LRP8: variants seen among roughly 807,000 people sequenced by gnomAD.
LRP8 encodes LDL receptor related protein 8, also known as low-density lipoprotein receptor-related protein 8.
Under a neutral mutation model 111.6 loss-of-function variants are expected in LRP8, and 46 were observed. The ratio of observed to expected loss-of-function variants is 0.41; its 90% CI spans 0.33 to 0.53. The LOEUF (loss-of-function observed/expected upper bound fraction) is 0.53, where lower values mean the gene tolerates loss of function less well. Ranked by LOEUF, LRP8 falls within the 20% of genes least tolerant of loss-of-function variation. The pLI is 0.20. For missense variants in LRP8, 959 were observed against 1,297.4 expected (o/e 0.74, Z 4.01); for synonymous variants, 464 against 511.2 (o/e 0.91, Z 1.24).
chr1:53,309,213 T>C (rs1409913771), intron 2 of LRP8, among the ~76,000 whole-genome samples: 3 of 152,054 alleles, frequency 2.0e-5, no homozygotes, highest in Non-Finnish European at 4.4e-5. Context: ...AGGCGGAGGT[T>C]GCAGTGAGCC....
At chr1:53,256,556 G>C (rs1186788033) in intron 15 of LRP8, among the ~76,000 whole-genome samples, 1 of 152,230 alleles carries the variant, frequency 6.6e-6, no homozygotes, top group Non-Finnish European at 1.5e-5. Flanking sequence ...CAAGCAGCTT[G>C]GTTTCTGGGC....
intron 3 of LRP8, among the ~76,000 whole-genome samples, chr1:53,287,016 G>A (rs1647664408): frequency 6.6e-6 from 1 of 152,238 alleles, no homozygotes; most frequent in African/African-American, 2.4e-5. Context: ...GGTCTAACAG[G>A]TTAAAAGACC....
At chr1:53,286,257 G>C (rs968115492) in intron 3 of LRP8, among the ~76,000 whole-genome samples, 2 of 152,184 alleles carry the variant, frequency 1.3e-5, no homozygotes, top group Admixed American at 1.3e-4. Context: ...GTTACACCAA[G>C]TTCCTTCAGT....
In LRP8 at chr1:53,313,300, C is replaced by A. The variant is rs550202287; in HGVS notation, c.244+13573G>T. 1.1e-4 allele frequency among the ~76,000 whole-genome samples: 16 copies of A among 152,200 alleles called. No individual in the cohort carries two copies. The East Asian group carries it at 3.1e-3, about 29-fold the overall frequency. ...GGAGCTGGGACCCAAAGGCTCCAGTCCACAGCAGGCGCTTCCCAGGGACTC... is the reference window on the plus strand; with the variant it reads ...GGAGCTGGGACCCAAAGGCTCCAGTACACAGCAGGCGCTTCCCAGGGACTC... On this transcript the variant is annotated intron_variant, in intron 2 of 18. Transcript: ENST00000306052.
chr1:53,253,416 T>C (rs1292310953), intron 16 of LRP8, among the ~76,000 whole-genome samples: 1 of 152,044 alleles, frequency 6.6e-6, no homozygotes, highest in Non-Finnish European at 1.5e-5. Context: ...AGATAGCCAA[T>C]AGAAAAATAA....
At chr1:53,248,657 T>C (rs1433242301) in intron 18 of LRP8, among the ~76,000 whole-genome samples, 1 of 152,212 alleles carries the variant, frequency 6.6e-6, no homozygotes, top group Non-Finnish European at 1.5e-5. Context: ...AGAAAATATA[T>C]GTAAAACACT....
intron 12 of LRP8, among the ~76,000 whole-genome samples, chr1:53,261,761 T>C (rs1375311562): frequency 6.6e-6 from 1 of 152,192 alleles, no homozygotes; most frequent in Non-Finnish European, 1.5e-5. Flanking sequence ...CTGGGTGCCT[T>C]TTGTATATGG....
At chr1:53,320,061 C>T (rs1367579023) in intron 2 of LRP8, among the ~76,000 whole-genome samples, 1 of 152,254 alleles carries the variant, frequency 6.6e-6, no homozygotes, top group Non-Finnish European at 1.5e-5. Context: ...CTCTCCTCTG[C>T]GAAATGCAGT....
intron 18 of LRP8, among the ~76,000 whole-genome samples, chr1:53,248,797 T>C (rs1426352447): frequency 2.0e-5 from 3 of 152,236 alleles, no homozygotes; most frequent in Non-Finnish European, 4.4e-5. Context: ...CATTTCTTTC[T>C]CTGGAAATAA....
chr1:53,281,082 C>G (rs1209937145), intron 3 of LRP8, among the ~76,000 whole-genome samples: 1 of 152,216 alleles, frequency 6.6e-6, no homozygotes, highest in African/African-American at 2.4e-5. Flanking sequence ...CTGCCATTTC[C>G]CAGCTGTGTG....
Position 53,246,327 on chromosome 1 carries a change from ATTTATC to A in LRP8, c.*685_*690del, listed in dbSNP as rs572823584. Reference sequence around the variant, plus strand: ...CCCCTTGTGGACTGTGTGAAAATAAATTTATCTTTATGTATTTGAACAGTAGCCATA... The same window carrying A: ...CCCCTTGTGGACTGTGTGAAAATAAATTTATGTATTTGAACAGTAGCCATA... On this transcript the variant is annotated 3_prime_UTR_variant, in exon 19 of 19. Coordinates refer to ENST00000306052, the MANE Select transcript of LRP8 (RefSeq NM_004631.5). 2 of 152,314 alleles carry A rather than the reference ATTTATC, an allele frequency of 1.3e-5. No homozygotes were observed. Among genetic ancestry groups the A allele is most frequent in the African/African-American group, 2.4e-5 (1 of 41,566 alleles). The allele number at this position is 152,314 out of a possible 1,614,324, so 9.4% of individuals were successfully genotyped here.
rs1376324767 is a variant in LRP8 at position 53,280,694 on chromosome 1, T to C, written c.389A>G (p.Glu130Gly). 17 of 1,612,228 alleles carry C rather than the reference T, an allele frequency of 1.1e-5. No individual in the cohort carries two copies. Among genetic ancestry groups the C allele is most frequent in the Non-Finnish European group, 1.4e-5 (17 of 1,180,010 alleles). Residue 130 changes from glutamate (E) to glycine (G), a missense_variant, in exon 4 of 19, where the codon GAG becomes GGG. Transcript: ENST00000306052. ...GCTGGTGGGTCCACAGCTCAGCTTC[T>C]CTGCAGGACACACCTGCTTGGCTGT... ...ATCTKQVCPA[E>G]KLSCGPTSHK...
chr1:53,294,947 C>T lies in LRP8; in HGVS notation c.245-5258G>A, dbSNP rs897105777. Among the ~76,000 whole-genome samples, 8 of 152,234 alleles carry T rather than the reference C, an allele frequency of 5.3e-5. No individual in the cohort carries two copies. Among genetic ancestry groups the T allele is most frequent in the African/African-American group, 1.9e-4 (8 of 41,464 alleles). On this transcript the variant is annotated intron_variant, in intron 2 of 18. Coordinates refer to ENST00000306052, the MANE Select transcript of LRP8 (RefSeq NM_004631.5). This position sits in a 1 kb window ranked among gnomAD's most constrained non-coding sequence, Gnocchi z 4.1. Reference sequence around the variant, plus strand: ...TGCCCAGGGGCACTGCTCTGTGCAGCTTCCTCTTGGCAATCCGAATGTCCT... The same window carrying T: ...TGCCCAGGGGCACTGCTCTGTGCAGTTTCCTCTTGGCAATCCGAATGTCCT...
Position 53,244,831 on chromosome 1 carries a change from C to A in LRP8, c.*2187G>T, listed in dbSNP as rs1351751925. 1 of 152,200 alleles carries A rather than the reference C, an allele frequency of 6.6e-6. No individual in the cohort carries two copies. Among genetic ancestry groups the A allele is most frequent in the Non-Finnish European group, 1.5e-5 (1 of 68,028 alleles). The allele number at this position is 152,200 out of a possible 1,614,324, so 9.4% of individuals were successfully genotyped here. On this transcript the variant is annotated 3_prime_UTR_variant, in exon 19 of 19. Coordinates refer to ENST00000306052, the MANE Select transcript of LRP8 (RefSeq NM_004631.5). ...TTTGAGTACATTTCCATGTTTTTCA[C>A]TGTCATCATTTTTCTTCAGTCAAAA... is the stretch of plus-strand genomic sequence containing the variant.
intron 6 of LRP8, among the ~76,000 whole-genome samples, chr1:53,273,986 A>C (rs1036834475): frequency 1.3e-5 from 2 of 151,982 alleles, no homozygotes; most frequent in African/African-American, 2.4e-5. Context: ...ACAAAAAAAA[A>C]CTCATGAACC....
Position 53,243,495 on chromosome 1 carries a change from C to T in LRP8, c.*3523G>A, listed in dbSNP as rs1645677853. 6.6e-6 allele frequency: 1 copy of T among 152,196 alleles called. No individual in the cohort carries two copies. Among genetic ancestry groups the T allele is most frequent in the African/African-American group, 2.4e-5 (1 of 41,432 alleles). The allele number at this position is 152,196 out of a possible 1,614,324, so 9.4% of individuals were successfully genotyped here. ...GTTCTGCAAAGTGCTGGCAATGCAT[C>T]CTAATGAATTTTCCATGATGCATGT... On this transcript the variant is annotated 3_prime_UTR_variant, in exon 19 of 19. Transcript: ENST00000306052.
chr1:53,309,526 CCACTACAGT>C (rs1652613008), intron 2 of LRP8, among the ~76,000 whole-genome samples: 1 of 152,140 alleles, frequency 6.6e-6, no homozygotes, highest in Non-Finnish European at 1.5e-5. Flanking sequence ...CTCCAGTCAC[CCACTACAGT>C]CACTGGCAGG....
At chr1:53,308,448 C>A (rs1166927644) in intron 2 of LRP8, among the ~76,000 whole-genome samples, 5 of 152,206 alleles carry the variant, frequency 3.3e-5, no homozygotes, top group Non-Finnish European at 7.3e-5. Flanking sequence ...CCAGGTCTCT[C>A]CTCTGCCTTT....
chr1:53,257,189 TCCCTAGGAGC>T (rs1258255850), intron 15 of LRP8, 41 bp downstream of exon 15: 1 of 1,574,090 alleles, frequency 6.4e-7, no homozygotes, highest in Admixed American at 1.7e-5. Context: ...CTTCCTGGCT[TCCCTAGGAGC>T]CCTCCCATGT....
Sources: gnomAD v4.1 joint callset for allele counts (sites outside exome capture counted in the v4.1 genomes callset) on GRCh38, gnomAD v4.1.1 for gene constraint, Gnocchi (gnomAD v3.1) non-coding constraint, MANE v1.5 for transcripts, NCBI Gene and HGNC (gene_info 2026-07-23, HGNC 2026-07-21) for gene names.